The following MED12L variants were observed in gnomAD, a reference collection of about 807,000 sequenced individuals.
MED12L encodes mediator of RNA polymerase II transcription subunit 12-like protein.
A neutral mutation model predicts 281.3 loss-of-function variants in MED12L; 60 were observed. The observed-to-expected ratio is 0.21, with a 90% CI of 0.17 to 0.26. The LOEUF is 0.26. Ranked by LOEUF, MED12L falls within the 10% of genes least tolerant of loss-of-function variation. The pLI is 1.00. For synonymous variants in MED12L, 974 were observed against 987.2 expected, an observed-to-expected ratio of 0.99 and a Z score of 0.25; for missense variants, 2,146 against 2,680.9, an observed-to-expected ratio of 0.80 and a Z score of 4.41.
At chr3:151,281,446 A>G (rs576950089) in intron 16 of MED12L, among the ~76,000 whole-genome samples, 1 of 152,120 alleles carries the variant, frequency 6.6e-6, no homozygotes, top group African/African-American at 2.4e-5. Flanking sequence ...ATATTTTATT[A>G]TGACTTTTAG....
chr3:151,329,765 C>T (rs1457230505), intron 16 of MED12L, among the ~76,000 whole-genome samples: 1 of 152,152 alleles, frequency 6.6e-6, no homozygotes. Flanking sequence ...TGAAGTTTAT[C>T]TTCTTGATCT....
intron 5 of MED12L, among the ~76,000 whole-genome samples, chr3:151,152,169 G>T (rs1312826695): frequency 2.9e-5 from 4 of 138,314 alleles, no homozygotes; most frequent in Non-Finnish European, 6.0e-5. Context: ...GAGCAATCTG[G>T]GCTCACTGCA....
intron 16 of MED12L, among the ~76,000 whole-genome samples, chr3:151,219,277 A>G (rs1371515656): frequency 6.6e-6 from 1 of 152,180 alleles, no homozygotes; most frequent in East Asian, 1.9e-4. Flanking sequence ...ACAGAATTTA[A>G]TTGATACAAG....
At position 151,086,905 on chromosome 3, in the gene MED12L, T is replaced by A. The variant is rs1354485714; in HGVS notation, c.-22T>A. On this transcript the variant is annotated 5_prime_UTR_variant, in exon 2 of 45. Transcript: ENST00000687756. Reference sequence around the variant, plus strand: ...GCTCCAGCTCCAACTCTCATTCATTTCGCCGGTTAACATGAGAGATCATGG... The same window carrying A: ...GCTCCAGCTCCAACTCTCATTCATTACGCCGGTTAACATGAGAGATCATGG... The A allele has an allele frequency of 6.4e-7, 1 of 1,560,272 alleles. No individual in the cohort carries two copies. Among genetic ancestry groups the A allele is most frequent in the Non-Finnish European group, 8.7e-7 (1 of 1,151,608 alleles).
At chr3:151,237,291 G>GCCTCCCAA in intron 16 of MED12L, among the ~76,000 whole-genome samples, 1 of 148,542 alleles carries the variant, frequency 6.7e-6, no homozygotes, top group Non-Finnish European at 1.5e-5. Flanking sequence ...ACCTGCCTCA[G>GCCTCCCAA]CCTCCCAAAG....
intron 16 of MED12L, chr3:151,336,526 CTTCT>C (rs779011689): frequency 2.8e-5 from 13 of 456,396 alleles, no homozygotes; most frequent in South Asian, 2.0e-4. Context: ...TCTGTTCCTC[CTTCT>C]GTTTGAGAGT....
chr3:151,383,208 T>C (rs1320855451), intron 33 of MED12L, among the ~76,000 whole-genome samples: 2 of 152,258 alleles, frequency 1.3e-5, no homozygotes, highest in African/African-American at 4.8e-5. Flanking sequence ...CCTTGAGTTT[T>C]CTTTTCCCAT....
intron 16 of MED12L, among the ~76,000 whole-genome samples, chr3:151,297,305 C>T (rs1003540109): frequency 6.6e-5 from 10 of 152,166 alleles, no homozygotes; most frequent in African/African-American, 2.2e-4. Context: ...GTATCAGTGA[C>T]GTTAGGAACT....
At chr3:151,251,032 C>G (rs1736750797) in intron 16 of MED12L, among the ~76,000 whole-genome samples, 1 of 152,178 alleles carries the variant, frequency 6.6e-6, no homozygotes, top group Admixed American at 6.5e-5. Context: ...CTCTGTGGTA[C>G]TTTGGCATAC....
intron 16 of MED12L, among the ~76,000 whole-genome samples, chr3:151,246,508 C>T (rs1362127620): frequency 6.6e-6 from 1 of 152,048 alleles, no homozygotes; most frequent in Non-Finnish European, 1.5e-5. Context: ...CTGAGAAAAA[C>T]AAGCAATGGG....
chr3:151,125,295 GTTC>G (rs1184398808), intron 4 of MED12L, among the ~76,000 whole-genome samples: 2 of 152,170 alleles, frequency 1.3e-5, no homozygotes, highest in African/African-American at 2.4e-5. Flanking sequence ...TTTCACATAT[GTTC>G]TTCTTAATTC....
At chr3:151,338,557 A>G in intron 16 of MED12L, 1 of 1,613,920 alleles carries the variant, frequency 6.2e-7, no homozygotes. Context: ...GTAACTTGAC[A>G]CACAAAAGTT....
chr3:151,272,972 T>C (rs918736713), intron 16 of MED12L, among the ~76,000 whole-genome samples: 1 of 152,190 alleles, frequency 6.6e-6, no homozygotes, highest in African/African-American at 2.4e-5. Flanking sequence ...CCGAAACTTT[T>C]TGAGGGCTGA....
intron 16 of MED12L, among the ~76,000 whole-genome samples, chr3:151,347,075 T>A (rs921413728): frequency 2.0e-5 from 3 of 152,174 alleles, no homozygotes; most frequent in African/African-American, 7.2e-5. Context: ...CCTGATCCTT[T>A]CCTAACTTCT....
At chr3:151,187,410 T>A (rs1456287907) in intron 12 of MED12L, among the ~76,000 whole-genome samples, 1 of 152,248 alleles carries the variant, frequency 6.6e-6, no homozygotes, top group Admixed American at 6.5e-5. Flanking sequence ...AGCCTAAATG[T>A]ATCTATATCT....
chr3:151,251,497 A>T (rs1021127203), intron 16 of MED12L, among the ~76,000 whole-genome samples: 2 of 151,136 alleles, frequency 1.3e-5, no homozygotes, highest in Non-Finnish European at 3.0e-5. Context: ...TGTGTCCTCC[A>T]CTCACCCGTG....
intron 13 of MED12L, among the ~76,000 whole-genome samples, chr3:151,189,963 A>G (rs1257700630): frequency 6.6e-6 from 1 of 152,080 alleles, no homozygotes; most frequent in East Asian, 1.9e-4. Context: ...TTCAAACACC[A>G]TTTAAATTGT....
At chr3:151,368,684 C>T (rs57116360) in intron 25 of MED12L, among the ~76,000 whole-genome samples, 1,083 of 41,236 alleles carry the variant, frequency 0.026, 7 homozygotes, top group African/African-American at 0.04. Flanking sequence ...CATGTCATTT[C>T]ATTTTATTTC....
At chr3:151,095,177 C>A (rs1477322796) in intron 2 of MED12L, among the ~76,000 whole-genome samples, 1 of 152,078 alleles carries the variant, frequency 6.6e-6, no homozygotes, top group African/African-American at 2.4e-5. Context: ...AATTCAGTGA[C>A]CTGCAGGAGC....
Sources: allele counts gnomAD v4.1 joint callset (sites outside exome capture counted in the v4.1 genomes callset), GRCh38; gene constraint gnomAD v4.1.1; transcripts MANE v1.5; gene names NCBI Gene and HGNC (gene_info 2026-07-23, HGNC 2026-07-21).